The following BOC variants were observed in gnomAD, a reference collection of about 807,000 sequenced individuals.
BOC encodes the protein BOC cell adhesion associated, oncogene regulated.
A neutral mutation model predicts 112.0 loss-of-function variants in BOC; 76 were observed. The observed-to-expected ratio is 0.68, with a 90% CI of 0.56 to 0.82. The LOEUF is 0.82. BOC is among the 40% of genes least tolerant of loss of function. BOC has a pLI of 0.00. For missense variants in BOC, 1,309 were observed against 1,511.7 expected, an observed-to-expected ratio of 0.87 and a Z score of 2.22; for synonymous variants, 580 against 599.8, an observed-to-expected ratio of 0.97 and a Z score of 0.48.
At chr3:113,267,920 A>G (rs1947671157) in intron 4 of BOC, among the ~76,000 whole-genome samples, 2 of 152,106 alleles carry the variant, frequency 1.3e-5, no homozygotes, top group Non-Finnish European at 2.9e-5. Flanking sequence ...TTCCATCTCC[A>G]TTAGTTGAGC....
chr3:113,272,062 G>C, intron 6 of BOC: 2 of 323,368 alleles, frequency 6.2e-6, no homozygotes, highest in Non-Finnish European at 1.2e-5. Context: ...CACATACTGA[G>C]TGCAAGCAGA....
intron 4 of BOC, among the ~76,000 whole-genome samples, chr3:113,253,214 TATG>T (rs1333687593): frequency 6.6e-6 from 1 of 152,202 alleles, no homozygotes; most frequent in Non-Finnish European, 1.5e-5. Context: ...CTTGATGTTG[TATG>T]ATAAGCATTC....
In BOC at chr3:113,270,897, C is replaced by T; in HGVS notation, c.620C>T (p.Thr207Ile). 6.2e-7 allele frequency: 1 copy of T among 1,614,248 alleles called. No individual in the cohort carries two copies. Among genetic ancestry groups the T allele is most frequent in the Non-Finnish European group, 8.5e-7 (1 of 1,180,042 alleles). The change falls in exon 6 of 20, where the codon ACC becomes ATC. Residue 207 changes from threonine to isoleucine, a missense_variant. Thr to Ile is a moderately conservative substitution (Grantham distance 89). Coordinates refer to ENST00000682979, the MANE Select transcript of BOC (RefSeq NM_001378074.1). ...MYKCAAYNPV[T>I]QEVKTSGSSD... is the part of the protein sequence containing the mutation. Reference sequence around the variant, plus strand: ...AAGTGTGCAGCCTACAACCCAGTGACCCAGGAAGTGAAAACCTCCGGCTCC... The same window carrying T: ...AAGTGTGCAGCCTACAACCCAGTGATCCAGGAAGTGAAAACCTCCGGCTCC...
At chr3:113,221,417 G>A (rs1212519344) in intron 2 of BOC, among the ~76,000 whole-genome samples, 3 of 152,316 alleles carry the variant, frequency 2.0e-5, no homozygotes, top group South Asian at 2.1e-4. Flanking sequence ...CAGGTGCACC[G>A]TTCGATGCCA....
chr3:113,230,732 G>A (rs1227596282), intron 2 of BOC, among the ~76,000 whole-genome samples: 1 of 152,162 alleles, frequency 6.6e-6, no homozygotes, highest in South Asian at 2.1e-4. Flanking sequence ...AAAATCTAGT[G>A]TAGTACATTC....
chr3:113,275,496 A>G (rs1027885005), intron 9 of BOC, among the ~76,000 whole-genome samples: 13 of 152,258 alleles, frequency 8.5e-5, no homozygotes, highest in African/African-American at 1.2e-4. Context: ...AATTCCCTGT[A>G]AGAAAATGTC....
At chr3:113,229,098 G>A (rs1259753306) in intron 2 of BOC, among the ~76,000 whole-genome samples, 1 of 152,212 alleles carries the variant, frequency 6.6e-6, no homozygotes, top group Non-Finnish European at 1.5e-5. Context: ...GAGTGCGGCT[G>A]CAGCTCTGAG....
intron 3 of BOC, 124 bp from the exon 4 acceptor site, chr3:113,250,431 C>A: frequency 9.1e-7 from 1 of 1,104,710 alleles, no homozygotes; most frequent in Non-Finnish European, 1.3e-6. Context: ...GCAGTAGAGT[C>A]GGAGAAAGAC....
chr3:113,283,702 C>T (rs1293543601), intron 16 of BOC, 70 bp downstream of exon 16: 16 of 1,435,022 alleles, frequency 1.1e-5, no homozygotes, highest in East Asian at 9.2e-5. Flanking sequence ...GAGGCCTCTG[C>T]CTAGGTCTGT....
chr3:113,227,640 T>C (rs1045266229), intron 2 of BOC, among the ~76,000 whole-genome samples: 3 of 152,158 alleles, frequency 2.0e-5, no homozygotes, highest in Non-Finnish European at 2.9e-5. Context: ...TGAAAGGACA[T>C]TGGGTGGTTG....
chr3:113,271,723 C>T (rs1187433448), intron 6 of BOC: 1 of 169,636 alleles, frequency 5.9e-6, no homozygotes, highest in Non-Finnish European at 1.3e-5. Context: ...CGGAATCACA[C>T]ATAGTCCCCT....
At chr3:113,228,611 G>A (rs1420836744) in intron 2 of BOC, among the ~76,000 whole-genome samples, 2 of 152,176 alleles carry the variant, frequency 1.3e-5, no homozygotes, top group Admixed American at 6.5e-5. Flanking sequence ...TTTTAAAGTT[G>A]GCAGGAGAAA....
intron 2 of BOC, among the ~76,000 whole-genome samples, chr3:113,222,260 C>T (rs565628559): frequency 2.0e-5 from 3 of 152,172 alleles, no homozygotes; most frequent in East Asian, 3.9e-4. Flanking sequence ...AAAATAGAAC[C>T]GGGTTGGTAA....
intron 18 of BOC, among the ~76,000 whole-genome samples, chr3:113,285,131 A>G (rs1949552555): frequency 2.6e-5 from 4 of 152,254 alleles, no homozygotes; most frequent in South Asian, 2.1e-4. Flanking sequence ...GACTTTGCCC[A>G]TGGGCCCCTG....
Position 113,278,735 on chromosome 3 carries a change from G to A in BOC, c.1768G>A (p.Gly590Arg). 6.4e-7 allele frequency: 1 copy of A among 1,567,300 alleles called. No individual in the cohort carries two copies. The highest frequency in any genetic ancestry group is 8.7e-7 in the Non-Finnish European group (1 of 1,155,950). ...GCAGCAGATCCAGAGAGACGACCCT[G>A]GAGCCAGTCCCCAGAGCAGCAGCCA... ...KEQQIQRDDP[G>R]ASPQSSSQPD... Residue 590 changes from glycine to arginine, a missense_variant, in exon 11 of 20, where the codon GGA becomes AGA. Coordinates refer to ENST00000682979, the MANE Select transcript of BOC (RefSeq NM_001378074.1). This position sits in a 1 kb window ranked among gnomAD's most constrained non-coding sequence, Gnocchi z 4.2.
Position 113,284,533 on chromosome 3 carries a change from A to G in BOC, c.2855A>G (p.Lys952Arg). The change falls in exon 17 of 20, where the codon AAG (lysine) becomes AGG (arginine). Residue 952 changes from lysine (K) to arginine (R), a missense_variant. Coordinates refer to ENST00000682979, the MANE Select transcript of BOC (RefSeq NM_001378074.1). ...GCTGCAGTGGGCTACCCGGGCATGA[A>G]GCCCCAGCAGCACTGCCCAGGCGAG... ...PSAAVGYPGMKPQQHCPGELQ... is the reference protein window; with the variant it reads ...PSAAVGYPGMRPQQHCPGELQ... 6.2e-7 allele frequency: 1 copy of G among 1,613,836 alleles called. No homozygotes were observed. The highest frequency in any genetic ancestry group is 8.5e-7 in the Non-Finnish European group (1 of 1,179,818).
At position 113,270,782 on chromosome 3, in the gene BOC, G is replaced by C. The variant is rs766796558; in HGVS notation, c.524-19G>C. The C allele has an allele frequency of 6.3e-7, 1 of 1,596,092 alleles. No homozygotes were observed. Among genetic ancestry groups the C allele is most frequent in the Non-Finnish European group, 8.5e-7 (1 of 1,170,908 alleles). On this transcript the variant is annotated intron_variant, in intron 5 of 19. Transcript: ENST00000682979. ...TTCTGGACCCATCCCATCTTCCCCT[G>C]GCCCTGCCCTTTCCACAGGTAACTA...
intron 2 of BOC, among the ~76,000 whole-genome samples, chr3:113,221,135 C>G (rs973753144): frequency 2.6e-5 from 4 of 152,086 alleles, no homozygotes; most frequent in Non-Finnish European, 2.9e-5. Context: ...CACTGAGAAC[C>G]AGTTTCTTAG....
chr3:113,248,421 G>C (rs1484607469), intron 2 of BOC, among the ~76,000 whole-genome samples: 1 of 152,144 alleles, frequency 6.6e-6, no homozygotes, highest in Admixed American at 6.5e-5. Flanking sequence ...GAGAGTCTCT[G>C]GTTAGGTAGA....
Sources: allele counts gnomAD v4.1 joint callset (sites outside exome capture counted in the v4.1 genomes callset), GRCh38; gene constraint gnomAD v4.1.1; non-coding constraint Gnocchi (gnomAD v3.1); transcripts MANE v1.5; gene names NCBI Gene and HGNC (gene_info 2026-07-23, HGNC 2026-07-21).